Variants in HLA-DPB1 observed in about 807,000 individuals in gnomAD.
The protein encoded by HLA-DPB1 is HLA class II histocompatibility antigen, DP beta 1 chain.
HLA-DPB1 carries 30 observed loss-of-function variants against 29.4 expected under a neutral mutation model. The observed-to-expected ratio is 1.02, with a 90% CI of 0.76 to 1.38. HLA-DPB1 has a LOEUF of 1.38. Ranked by LOEUF, HLA-DPB1 falls within the 40% of genes most tolerant of loss-of-function variation. The pLI is 0.00. For missense variants in HLA-DPB1, 261 were observed against 327.5 expected (o/e 0.80, Z 1.57); for synonymous variants, 114 against 134.0 (o/e 0.85, Z 1.03).
Position 33,076,075 on chromosome 6 carries a change from A to T in HLA-DPB1, c.34A>T (p.Thr12Ser), listed in dbSNP as rs1200566458. The T allele has an allele frequency of 6.2e-7, 1 of 1,612,578 alleles. No individual in the cohort carries two copies. Among genetic ancestry groups the T allele is most frequent in the Non-Finnish European group, 8.5e-7 (1 of 1,179,910 alleles). The change falls in exon 1 of 6, where the codon ACA becomes TCA. Residue 12 changes from threonine (T) to serine (S), a missense_variant. Thr to Ser is a moderately conservative substitution (Grantham distance 58). Coordinates refer to ENST00000418931, the MANE Select transcript of HLA-DPB1 (RefSeq NM_002121.6). ...MVLQVSAAPRTVALTALLMVL... is the reference protein window; with the variant it reads ...MVLQVSAAPRSVALTALLMVL... ...TCTGCAGGTTTCTGCGGCCCCCCGG[A>T]CAGTGGCTCTGACGGCGTTACTGAT... is the stretch of plus-strand genomic sequence containing the variant.
chr6:33,076,243 C>T (rs1762531074), intron 1 of HLA-DPB1, 102 bp downstream of exon 1: 2 of 780,734 alleles, frequency 2.6e-6, no homozygotes, highest in Non-Finnish European at 4.3e-6. Flanking sequence ...TGCGGGGGCT[C>T]CTGCCCTAAG....
chr6:33,081,221 A>G, intron 2 of HLA-DPB1: 1 of 468,532 alleles, frequency 2.1e-6, no homozygotes, highest in East Asian at 3.5e-5. Context: ...GCCACAGGAC[A>G]GCGCACAAGG....
At chr6:33,082,456 GGGGATCTCTGCTTGT>G (rs1321130931) in intron 2 of HLA-DPB1, among the ~76,000 whole-genome samples, 1 of 152,122 alleles carries the variant, frequency 6.6e-6, no homozygotes, top group African/African-American at 2.4e-5. Flanking sequence ...GGGGAGGTCT[GGGGATCTCTGCTTGT>G]AATCAGCTCC....
intron 1 of HLA-DPB1, among the ~76,000 whole-genome samples, chr6:33,078,529 A>C (rs1180222140): frequency 6.6e-6 from 1 of 152,138 alleles, no homozygotes; most frequent in Non-Finnish European, 1.5e-5. Flanking sequence ...TCCTATTCTG[A>C]ATAAGAGACG....
chr6:33,078,306 C>T (rs2856820), intron 1 of HLA-DPB1, among the ~76,000 whole-genome samples: 42,740 of 151,738 alleles, frequency 0.28, 6,324 homozygotes, highest in Admixed American at 0.38. Flanking sequence ...CAATCAAAAC[C>T]TGCTGGAGGG....
In HLA-DPB1 at chr6:33,080,511, A is replaced by G. The variant is rs1762779620; in HGVS notation, c.101-161A>G. On this transcript the variant is annotated intron_variant, in intron 1 of 5. Transcript: ENST00000418931. This position sits in a 1 kb window ranked among gnomAD's most constrained non-coding sequence, Gnocchi z 4.3. ...AAAACAGGCCTGGAGAGGCTCTGCG[A>G]CCCGCTTAGGACCACAGAACTCGGT... is the stretch of plus-strand genomic sequence containing the variant. The G allele has an allele frequency of 9.7e-7, 1 of 1,026,858 alleles. No individual in the cohort carries two copies. The highest frequency in any genetic ancestry group is 1.4e-5 in the South Asian group (1 of 72,936). The allele number at this position is 1,026,858 out of a possible 1,614,324, so 63.6% of individuals were successfully genotyped here.
At chr6:33,084,554 C>A (rs916530252) in intron 2 of HLA-DPB1, among the ~76,000 whole-genome samples, 1 of 152,038 alleles carries the variant, frequency 6.6e-6, no homozygotes, top group Non-Finnish European at 1.5e-5. Flanking sequence ...AGAGGCCGAG[C>A]GGGTGGATCA....
chr6:33,084,896 G>GGAAA (rs1186705685), intron 2 of HLA-DPB1, 54 bp from the exon 3 acceptor site: 2 of 710,356 alleles, frequency 2.8e-6, no homozygotes, highest in Non-Finnish European at 3.7e-6. Context: ...AAGGAAGGAA[G>GGAAA]GAAAGAAGGA....
chr6:33,077,286 A>G (rs1562141188), intron 1 of HLA-DPB1, among the ~76,000 whole-genome samples: 1 of 152,038 alleles, frequency 6.6e-6, no homozygotes, highest in Admixed American at 6.5e-5. Context: ...TCCATGGTGT[A>G]TATGTGTGCA....
At chr6:33,082,912 G>A (rs1762938239) in intron 2 of HLA-DPB1, among the ~76,000 whole-genome samples, 2 of 152,218 alleles carry the variant, frequency 1.3e-5, no homozygotes, top group African/African-American at 4.8e-5. Flanking sequence ...GGTCACTGAT[G>A]TGGCTCCAGG....
In HLA-DPB1 at chr6:33,086,703, C is replaced by A; in HGVS notation, c.*169C>A. 1 of 436,708 alleles carries A rather than the reference C, an allele frequency of 2.3e-6. No homozygotes were observed. Among genetic ancestry groups the A allele is most frequent in the Non-Finnish European group, 4.7e-6 (1 of 213,212 alleles). 27.1% of individuals were successfully genotyped at this position (436,708 alleles called of 1,614,324 possible). On this transcript the variant is annotated 3_prime_UTR_variant, in exon 6 of 6. Coordinates refer to ENST00000418931, the MANE Select transcript of HLA-DPB1 (RefSeq NM_002121.6). ...TCATTCTGCTCTTTGATTCAAAGCA[C>A]TGTTTCTCTCACTGGGCCTCCAACC...
chr6:33,079,483 G>C (rs866300012), intron 1 of HLA-DPB1: 16 of 314,926 alleles, frequency 5.1e-5, no homozygotes, highest in African/African-American at 3.1e-4. Flanking sequence ...TGAAGGATAA[G>C]ATCCTCAAAA....
At position 33,086,715 on chromosome 6, in the gene HLA-DPB1, C is replaced by T; in HGVS notation, c.*181C>T. 3 of 425,928 alleles carry T rather than the reference C, an allele frequency of 7.0e-6. No individual in the cohort carries two copies. The Admixed American group carries it at 7.9e-5, about 11-fold the overall frequency. The allele number at this position is 425,928 out of a possible 1,614,324, so 26.4% of individuals were successfully genotyped here. On this transcript the variant is annotated 3_prime_UTR_variant, in exon 6 of 6. Transcript: ENST00000418931. ...TTGATTCAAAGCACTGTTTCTCTCA[C>T]TGGGCCTCCAACCATGTTCCCTTCT...
intron 1 of HLA-DPB1, among the ~76,000 whole-genome samples, chr6:33,078,657 T>C (rs1762679513): frequency 6.6e-6 from 1 of 152,128 alleles, no homozygotes; most frequent in Non-Finnish European, 1.5e-5. Flanking sequence ...AATTACACCA[T>C]AAAACCCCTC....
chr6:33,086,532 C>A lies in HLA-DPB1; in HGVS notation c.*5-7C>A, dbSNP rs1434040182. 6.1e-6 allele frequency: 4 copies of A among 657,956 alleles called. No homozygotes were observed. The Admixed American group carries it at 6.3e-5, about 10-fold the overall frequency. 40.8% of individuals were successfully genotyped at this position (657,956 alleles called of 1,614,324 possible). On this transcript the variant is annotated splice_region_variant and splice_polypyrimidine_tract_variant and intron_variant, in intron 5 of 5. Transcript: ENST00000418931. Reference sequence around the variant, plus strand: ...AACCTGGGATAACTTGTCTTTTACCCCCACAGGGTTCCTGAGCTCACTGAA... The same window carrying A: ...AACCTGGGATAACTTGTCTTTTACCACCACAGGGTTCCTGAGCTCACTGAA...
Position 33,081,532 on chromosome 6 carries a change from A to G in HLA-DPB1, c.364+597A>G, listed in dbSNP as rs9378176. Among the ~76,000 whole-genome samples the G allele has an allele frequency of 0.031, 4,790 of 152,226 alleles. 589 individuals are homozygous for G. In the East Asian group the frequency reaches 0.44, roughly 14 times the overall value. ...GTGCAGTGTGAGGAGAGGCCCGCAG[A>G]GAAGAGTCTTGGAAGCTGAGGGGAG... is the stretch of plus-strand genomic sequence containing the variant. On this transcript the variant is annotated intron_variant, in intron 2 of 5. Coordinates refer to ENST00000418931, the MANE Select transcript of HLA-DPB1 (RefSeq NM_002121.6).
intron 2 of HLA-DPB1, chr6:33,082,103 A>G (rs1762895514): frequency 6.6e-6 from 1 of 152,350 alleles, no homozygotes; most frequent in Non-Finnish European, 1.5e-5. Flanking sequence ...TTCACCTGCT[A>G]TGAGTGAGAA....
chr6:33,077,864 A>G (rs1379169957), intron 1 of HLA-DPB1, among the ~76,000 whole-genome samples: 1 of 151,644 alleles, frequency 6.6e-6, no homozygotes, highest in East Asian at 1.9e-4. Context: ...AAGCCCTAAA[A>G]CCTCTTATCT....
rs1763186398 is a variant in HLA-DPB1, at chr6:33,087,918, A to T, written c.*1384A>T. Among the ~76,000 whole-genome samples, 1 of 148,606 alleles carries T rather than the reference A, an allele frequency of 6.7e-6. No homozygotes were observed. Among genetic ancestry groups the T allele is most frequent in the East Asian group, 1.9e-4 (1 of 5,168 alleles). On this transcript the variant is annotated 3_prime_UTR_variant, in exon 6 of 6. Transcript: ENST00000418931. The stretch of plus-strand genomic sequence containing the variant: ...TTAACCTAGGGAATAGGACACAATC[A>T]TTTTTTCTTTTTAAAACATCTTTAT...
Sources: allele counts gnomAD v4.1 joint callset (sites outside exome capture counted in the v4.1 genomes callset), GRCh38; gene constraint gnomAD v4.1.1; non-coding constraint Gnocchi (gnomAD v3.1); transcripts MANE v1.5; gene names NCBI Gene and HGNC (gene_info 2026-07-23, HGNC 2026-07-21).